SLC14A2: variants seen among roughly 807,000 people sequenced by gnomAD.
The protein encoded by SLC14A2 is solute carrier family 14 member 2.
Under a neutral mutation model 104.6 loss-of-function variants are expected in SLC14A2, and 91 were observed. The ratio of observed to expected loss-of-function variants is 0.87; its 90% CI spans 0.73 to 1.04. SLC14A2 has a LOEUF of 1.04. Among genes scored for constraint, SLC14A2 ranks in the 50% least tolerant of loss-of-function variants. SLC14A2 has a pLI of 0.00. For missense variants in SLC14A2, 1,189 were observed against 1,156.0 expected (o/e 1.03, Z -0.41); for synonymous variants, 476 against 466.4 (o/e 1.02, Z -0.27).
chr18:45,357,446 C>CA (rs1175163920), intron 1 of SLC14A2, among the ~76,000 whole-genome samples: 1 of 151,726 alleles, frequency 6.6e-6, no homozygotes, highest in African/African-American at 2.4e-5. Context: ...CCCCATCTCC[C>CA]AAAAAAGTGT....
chr18:45,490,145 A>G (rs1332761819), intron 2 of SLC14A2, among the ~76,000 whole-genome samples: 1 of 152,220 alleles, frequency 6.6e-6, no homozygotes, highest in African/African-American at 2.4e-5. Flanking sequence ...TTTGAAAGCC[A>G]AAGGGCCAAG....
At chr18:45,395,141 T>C (rs1598752300) in intron 1 of SLC14A2, among the ~76,000 whole-genome samples, 1 of 152,302 alleles carries the variant, frequency 6.6e-6, no homozygotes, top group East Asian at 1.9e-4. Flanking sequence ...TAAATGTCCA[T>C]CAATGGATGA....
intron 8 of SLC14A2, 134 bp downstream of exon 8, chr18:45,641,477 C>T: frequency 1.1e-6 from 1 of 925,208 alleles, no homozygotes. Context: ...CGTCCTAATG[C>T]CAGTGCTGCC....
At chr18:45,386,852 AT>A (rs2085902547) in intron 1 of SLC14A2, among the ~76,000 whole-genome samples, 1 of 152,342 alleles carries the variant, frequency 6.6e-6, no homozygotes, top group Admixed American at 6.5e-5. Context: ...TGTGAAGATG[AT>A]GTTGATGATT....
chr18:45,183,855 C>T, the SLC14A2 span, among the ~76,000 whole-genome samples: 2 of 151,022 alleles, frequency 1.3e-5, no homozygotes, highest in Non-Finnish European at 2.9e-5. Context: ...CTCTCAGCCT[C>T]CCAACAAGCT....
intron 1 of SLC14A2, among the ~76,000 whole-genome samples, chr18:45,236,617 A>G (rs1177449560): frequency 6.7e-6 from 1 of 150,238 alleles, no homozygotes; most frequent in East Asian, 1.9e-4. Flanking sequence ...ATGTGTGTGT[A>G]TATATGTGTG....
chr18:45,578,425 C>G (rs1038678460), intron 2 of SLC14A2, among the ~76,000 whole-genome samples: 1 of 152,210 alleles, frequency 6.6e-6, no homozygotes, highest in African/African-American at 2.4e-5. Context: ...CATACAGTAG[C>G]TACTCCATGT....
intron 9 of SLC14A2, among the ~76,000 whole-genome samples, chr18:45,643,738 C>T (rs1212717874): frequency 2.0e-5 from 3 of 152,106 alleles, no homozygotes; most frequent in African/African-American, 7.2e-5. Flanking sequence ...GTTGCCAAGG[C>T]TGGTCTGGGC....
intron 1 of SLC14A2, among the ~76,000 whole-genome samples, chr18:45,266,389 G>A (rs1451810403): frequency 1.3e-5 from 2 of 152,174 alleles, no homozygotes; most frequent in African/African-American, 2.4e-5. Flanking sequence ...GGAGGTCTTG[G>A]CCATGTCATG....
intron 1 of SLC14A2, among the ~76,000 whole-genome samples, chr18:45,476,277 C>T (rs1311591291): frequency 1.3e-5 from 2 of 152,084 alleles, no homozygotes; most frequent in Non-Finnish European, 2.9e-5. Context: ...GGATTGAAAA[C>T]TCTTTGTTTT....
intron 2 of SLC14A2, among the ~76,000 whole-genome samples, chr18:45,550,958 G>T (rs933012770): frequency 8.5e-5 from 13 of 152,210 alleles, no homozygotes; most frequent in Non-Finnish European, 1.5e-4. Flanking sequence ...TCAGAGAAGA[G>T]AGGGCTAGAA....
rs535857370 is a variant in SLC14A2, at chr18:45,405,838, G to T, written c.-124-77395G>T. 6.0e-5 allele frequency among the ~76,000 whole-genome samples: 9 copies of T among 150,412 alleles called. No homozygotes were observed. In the South Asian group the frequency reaches 1.9e-3, roughly 31 times the overall value. ...TGCTTGAACCCAGAAGATGGAGGTT[G>T]CAGTGAGCTGAAATCTCGCCACTGC... is the stretch of plus-strand genomic sequence containing the variant. On this transcript the variant is annotated intron_variant, in intron 1 of 20. Transcript: ENST00000586448.
At chr18:45,673,923 C>A in intron 18 of SLC14A2, 106 bp downstream of exon 18, 1 of 1,129,024 alleles carries the variant, frequency 8.9e-7, no homozygotes, top group Non-Finnish European at 1.3e-6. Context: ...AGATTAAACA[C>A]TATTTTCACT....
intron 1 of SLC14A2, among the ~76,000 whole-genome samples, chr18:45,261,052 G>C (rs2144098343): frequency 6.6e-6 from 1 of 151,134 alleles, no homozygotes; most frequent in South Asian, 2.1e-4. Context: ...TAGGGTACAT[G>C]TGCACAATGT....
In SLC14A2 at chr18:45,377,507, C is replaced by T. The variant is rs575504919; in HGVS notation, c.-124-105726C>T. Among the ~76,000 whole-genome samples, 85 of 152,268 alleles carry T rather than the reference C, an allele frequency of 5.6e-4. No homozygotes were observed. In the Middle Eastern group the frequency reaches 0.014, roughly 24 times the overall value. On this transcript the variant is annotated intron_variant, in intron 1 of 20. Coordinates refer to the SLC14A2 transcript ENST00000586448. ...TCAGAACCAAAGTCTAAAACCTAGT[C>T]CTTCCCATTTGACCTCTACCTCTTT...
At chr18:45,666,478 G>A (rs760804215) in intron 12 of SLC14A2, among the ~76,000 whole-genome samples, 1 of 151,926 alleles carries the variant, frequency 6.6e-6, no homozygotes, top group African/African-American at 2.4e-5. Context: ...ATAAGCTGGT[G>A]CCTGTTTTCA....
chr18:45,276,443 G>A (rs1235000584), intron 1 of SLC14A2, among the ~76,000 whole-genome samples: 3 of 152,150 alleles, frequency 2.0e-5, no homozygotes, highest in Non-Finnish European at 4.4e-5. Context: ...ATGTTGAATA[G>A]GAGTTTTCTA....
intron 2 of SLC14A2, among the ~76,000 whole-genome samples, chr18:45,535,545 C>T (rs1022718618): frequency 3.3e-5 from 5 of 152,106 alleles, no homozygotes; most frequent in African/African-American, 4.8e-5. Flanking sequence ...GGTTGAATAA[C>T]TTGTCTAAGA....
In SLC14A2 at chr18:45,462,769, T is replaced by A. The variant is rs565229067; in HGVS notation, c.-124-20464T>A. ...AATCAATCTGGTTTTGCATTTTTTT[T>A]AATTTTTTTGTTTTGTTTTAACATC... On this transcript the variant is annotated intron_variant, in intron 1 of 20. Coordinates refer to the SLC14A2 transcript ENST00000586448. 1.8e-3 allele frequency among the ~76,000 whole-genome samples: 269 copies of A among 152,318 alleles called. 1 individual carries two copies. The highest frequency in any genetic ancestry group is 6.3e-3 in the African/African-American group (260 of 41,570).
Sources: gnomAD v4.1 joint callset for allele counts (sites outside exome capture counted in the v4.1 genomes callset) on GRCh38, gnomAD v4.1.1 for gene constraint, MANE v1.5 for transcripts, NCBI Gene and HGNC (gene_info 2026-07-23, HGNC 2026-07-21) for gene names.